Variants in GALNTL6 observed in about 807,000 individuals in gnomAD.
GALNTL6 encodes polypeptide N-acetylgalactosaminyltransferase like 6.
Under a neutral mutation model 73.7 loss-of-function variants are expected in GALNTL6, and 46 were observed. The observed-to-expected ratio is 0.62, with a 90% CI of 0.49 to 0.80. GALNTL6 has a LOEUF of 0.80. Among genes scored for constraint, GALNTL6 ranks in the 30% least tolerant of loss-of-function variants. The pLI is 0.00. For missense variants in GALNTL6, 604 were observed against 755.0 expected, an observed-to-expected ratio of 0.80 and a Z score of 2.34; for synonymous variants, 259 against 263.7, an observed-to-expected ratio of 0.98 and a Z score of 0.17.
intron 2 of GALNTL6, among the ~76,000 whole-genome samples, chr4:171,879,356 T>C (rs1736371319): frequency 6.6e-6 from 1 of 152,178 alleles, no homozygotes; most frequent in South Asian, 2.1e-4. Context: ...TTCTTATCCT[T>C]ACTATTGTGC....
chr4:172,766,798 T>C (rs1160045061), intron 5 of GALNTL6, among the ~76,000 whole-genome samples: 1 of 152,158 alleles, frequency 6.6e-6, no homozygotes, highest in African/African-American at 2.4e-5. Context: ...CAGACCCCAG[T>C]AGGAAGAGAA....
intron 7 of GALNTL6, among the ~76,000 whole-genome samples, chr4:172,875,794 A>G (rs374169648): frequency 1.3e-5 from 2 of 151,826 alleles, no homozygotes; most frequent in African/African-American, 2.4e-5. Flanking sequence ...ATTTTTGACC[A>G]CAGAAAAGTA....
chr4:172,383,430 C>T (rs1460368663), intron 5 of GALNTL6, among the ~76,000 whole-genome samples: 1 of 151,982 alleles, frequency 6.6e-6, no homozygotes, highest in Non-Finnish European at 1.5e-5. Context: ...GTATAGACAT[C>T]CAATTGATTT....
At chr4:172,769,821 G>C (rs960905913) in intron 5 of GALNTL6, among the ~76,000 whole-genome samples, 1 of 152,156 alleles carries the variant, frequency 6.6e-6, no homozygotes, top group African/African-American at 2.4e-5. Flanking sequence ...TCTGTGCAGA[G>C]GAATCATTCA....
intron 5 of GALNTL6, among the ~76,000 whole-genome samples, chr4:172,641,123 A>T (rs1239781933): frequency 1.3e-5 from 2 of 152,086 alleles, no homozygotes; most frequent in African/African-American, 2.4e-5. Flanking sequence ...CTGATCCTTT[A>T]TCATTCTCTT....
In GALNTL6 at chr4:171,896,556, T is replaced by C. The variant is rs1173483510; in HGVS notation, c.138+81838T>C. Among the ~76,000 whole-genome samples the C allele has an allele frequency of 2.0e-5, 3 of 152,328 alleles. No homozygotes were observed. In the South Asian group the frequency reaches 6.2e-4, roughly 32 times the overall value. Reference sequence around the variant, plus strand: ...CAGTTCAACATGTTGGCAGATTTGTTGTCTGGTAAAAGCCAACTTTCCAAT... The same window carrying C: ...CAGTTCAACATGTTGGCAGATTTGTCGTCTGGTAAAAGCCAACTTTCCAAT... On this transcript the variant is annotated intron_variant, in intron 2 of 12. Coordinates refer to ENST00000506823, the MANE Select transcript of GALNTL6 (RefSeq NM_001034845.3).
chr4:171,905,410 T>TG (rs1737244272), intron 2 of GALNTL6, among the ~76,000 whole-genome samples: 2 of 152,058 alleles, frequency 1.3e-5, no homozygotes, highest in Admixed American at 6.5e-5. Flanking sequence ...CATTATATAA[T>TG]GGTAAAGGGA....
chr4:172,298,093 G>A (rs1739753794), intron 3 of GALNTL6, among the ~76,000 whole-genome samples: 1 of 152,062 alleles, frequency 6.6e-6, no homozygotes, highest in Admixed American at 6.6e-5. Flanking sequence ...GGATTCCTAG[G>A]TATTTTATTC....
At chr4:172,315,354 C>A (rs1740505741) in intron 4 of GALNTL6, among the ~76,000 whole-genome samples, 1 of 152,200 alleles carries the variant, frequency 6.6e-6, no homozygotes, top group African/African-American at 2.4e-5. Flanking sequence ...ACCTCTGCCT[C>A]CCGGGTTCAA....
At chr4:172,199,951 A>G (rs1441108320) in intron 2 of GALNTL6, among the ~76,000 whole-genome samples, 2 of 152,164 alleles carry the variant, frequency 1.3e-5, no homozygotes, top group African/African-American at 4.8e-5. Context: ...ATTTGGAGGA[A>G]TCTAAGAGCC....
At chr4:172,156,145 C>G (rs1734247896) in intron 2 of GALNTL6, among the ~76,000 whole-genome samples, 1 of 151,946 alleles carries the variant, frequency 6.6e-6, no homozygotes, top group Non-Finnish European at 1.5e-5. Flanking sequence ...TTTTATAGTC[C>G]TCTGTAAACA....
intron 5 of GALNTL6, among the ~76,000 whole-genome samples, chr4:172,361,313 T>TC (rs11420554): frequency 0.96 from 145,539 of 151,974 alleles, 69,974 homozygotes; most frequent in South Asian, 1. Context: ...AAGGTCCTTT[T>TC]TCCTGAGAGA....
chr4:172,628,410 A>G (rs765574502), intron 5 of GALNTL6, among the ~76,000 whole-genome samples: 15 of 152,072 alleles, frequency 9.9e-5, no homozygotes, highest in South Asian at 4.1e-4. Flanking sequence ...TTAACCTTGG[A>G]TTAAATTTTT....
chr4:172,497,322 CCT>C (rs1314086565), intron 5 of GALNTL6, among the ~76,000 whole-genome samples: 2 of 152,166 alleles, frequency 1.3e-5, no homozygotes. Context: ...GATTTCCCTC[CCT>C]GATTTATAAT....
intron 4 of GALNTL6, among the ~76,000 whole-genome samples, chr4:172,313,344 C>T (rs1280400339): frequency 6.6e-6 from 1 of 152,004 alleles, no homozygotes; most frequent in African/African-American, 2.4e-5. Flanking sequence ...AGGATAGTCT[C>T]GATCTCCTGA....
At chr4:172,081,498 C>T (rs994197064) in intron 2 of GALNTL6, among the ~76,000 whole-genome samples, 8 of 152,128 alleles carry the variant, frequency 5.3e-5, no homozygotes, top group East Asian at 3.9e-4. Context: ...ATTAGCTGGG[C>T]GTGGTAGCGC....
Position 172,229,646 on chromosome 4 carries a change from T to G in GALNTL6, c.139-10T>G. The G allele has an allele frequency of 1.3e-6, 2 of 1,589,492 alleles. No homozygotes were observed. The highest frequency in any genetic ancestry group is 1.7e-6 in the Non-Finnish European group (2 of 1,158,198). ...TCCTTTTTATGCTTGAATACTTTCC[T>G]TTTCCACAGACATTTCCACTGGGCC... On this transcript the variant is annotated splice_polypyrimidine_tract_variant and intron_variant, in intron 2 of 12. Coordinates refer to ENST00000506823, the MANE Select transcript of GALNTL6 (RefSeq NM_001034845.3).
chr4:171,920,299 C>G (rs1050744812), intron 2 of GALNTL6, among the ~76,000 whole-genome samples: 5 of 151,658 alleles, frequency 3.3e-5, no homozygotes, highest in African/African-American at 9.7e-5. Context: ...TTAATGGGTG[C>G]AAGCACACCA....
At chr4:172,821,913 C>A (rs953316248) in intron 7 of GALNTL6, among the ~76,000 whole-genome samples, 1 of 152,148 alleles carries the variant, frequency 6.6e-6, no homozygotes, top group Non-Finnish European at 1.5e-5. Context: ...TTTGAAGCCC[C>A]CTCCCCCATT....
Sources: allele counts gnomAD v4.1 joint callset (sites outside exome capture counted in the v4.1 genomes callset), GRCh38; gene constraint gnomAD v4.1.1; transcripts MANE v1.5; gene names NCBI Gene and HGNC (gene_info 2026-07-23, HGNC 2026-07-21).